Variants in SLC13A3 observed in about 807,000 individuals in gnomAD.
SLC13A3 encodes Na(+)/dicarboxylate cotransporter 3.
In SLC13A3, 40 loss-of-function variants were observed where a neutral mutation model predicts 59.0. That is an observed-to-expected ratio of 0.68 (90% CI 0.53 to 0.88). The LOEUF (loss-of-function observed/expected upper bound fraction) is 0.88. Among genes scored for constraint, SLC13A3 ranks in the 40% least tolerant of loss-of-function variants. SLC13A3 has a pLI of 0.00. For missense variants in SLC13A3, 699 were observed against 783.2 expected, an observed-to-expected ratio of 0.89 and a Z score of 1.28; for synonymous variants, 317 against 330.3, an observed-to-expected ratio of 0.96 and a Z score of 0.44.
upstream of SLC13A3, among the ~76,000 whole-genome samples, chr20:46,653,567 C>G (rs1420906931): frequency 6.6e-6 from 1 of 152,176 alleles, no homozygotes; most frequent in Non-Finnish European, 1.5e-5. Flanking sequence ...ACAAGCTTGT[C>G]AGAAGTTTTA....
At chr20:46,637,097 C>T (rs1028470666) in intron 1 of SLC13A3, among the ~76,000 whole-genome samples, 2 of 152,178 alleles carry the variant, frequency 1.3e-5, no homozygotes, top group Non-Finnish European at 2.9e-5. Context: ...CCGCGCCCGG[C>T]CTGACATTTT....
At chr20:46,613,147 C>G (rs564343937) in intron 2 of SLC13A3, among the ~76,000 whole-genome samples, 1 of 151,728 alleles carries the variant, frequency 6.6e-6, no homozygotes, top group African/African-American at 2.4e-5. Context: ...AGTGTGGCCC[C>G]CTCCAAAACT....
Position 46,575,686 on chromosome 20 carries a change from C to A in SLC13A3, c.1220-1G>T. 1 of 1,575,972 alleles carries A rather than the reference C, an allele frequency of 6.3e-7. No homozygotes were observed. The highest frequency in any genetic ancestry group is 2.3e-5 in the East Asian group (1 of 43,400). On this transcript the variant is annotated splice_acceptor_variant, in intron 9 of 12. Transcript: ENST00000279027. LOFTEE classifies it high-confidence loss of function. The stretch of plus-strand genomic sequence containing the variant: ...AAGGGCTCTGTCTCTGTGTTGGGAG[C>A]TGGGCAGAGAGAGGGATTCAGCACA...
At chr20:46,621,259 T>C (rs978175407) in intron 1 of SLC13A3, among the ~76,000 whole-genome samples, 1 of 146,026 alleles carries the variant, frequency 6.8e-6, no homozygotes, top group African/African-American at 2.6e-5. Context: ...AAGGACAGTT[T>C]TGTGAGAGTT....
At chr20:46,628,518 G>C (rs546333128) in intron 1 of SLC13A3, among the ~76,000 whole-genome samples, 1 of 152,252 alleles carries the variant, frequency 6.6e-6, no homozygotes, top group South Asian at 2.1e-4. Context: ...AGGGAAGGAG[G>C]CTAGTCCTAA....
intron 1 of SLC13A3, among the ~76,000 whole-genome samples, chr20:46,633,985 C>T (rs573347538): frequency 2.2e-4 from 33 of 152,346 alleles, no homozygotes; most frequent in Admixed American, 1.9e-3. Flanking sequence ...AGCCACGATC[C>T]TACCATGGTG....
chr20:46,621,777 A>G (rs972928820), intron 1 of SLC13A3, among the ~76,000 whole-genome samples: 7 of 152,228 alleles, frequency 4.6e-5, no homozygotes, highest in African/African-American at 1.7e-4. Flanking sequence ...AAATGGTTCT[A>G]AAATCAAATA....
At chr20:46,583,275 T>TTC in intron 9 of SLC13A3, 1 of 725,252 alleles carries the variant, frequency 1.4e-6, no homozygotes, top group East Asian at 6.3e-5. Flanking sequence ...TAAAATGTTT[T>TTC]TCTTTTGGTT....
upstream of SLC13A3, among the ~76,000 whole-genome samples, chr20:46,672,749 C>T (rs1293489729): frequency 6.6e-6 from 1 of 152,130 alleles, no homozygotes; most frequent in Non-Finnish European, 1.5e-5. Context: ...GAGACCTGGA[C>T]TACTGCCCTG....
chr20:46,597,482 G>A (rs2062325381), intron 4 of SLC13A3, among the ~76,000 whole-genome samples: 1 of 152,048 alleles, frequency 6.6e-6, no homozygotes, highest in Non-Finnish European at 1.5e-5. Context: ...TGTCACCCAG[G>A]CTAGAGTGCA....
intron 4 of SLC13A3, among the ~76,000 whole-genome samples, chr20:46,598,277 G>A (rs1367459416): frequency 6.6e-6 from 1 of 152,180 alleles, no homozygotes; most frequent in African/African-American, 2.4e-5. Flanking sequence ...CCAGAAGCAG[G>A]TGGAAACTAC....
chr20:46,585,475 T>A, intron 8 of SLC13A3: 3 of 994,268 alleles, frequency 3.0e-6, no homozygotes, highest in Non-Finnish European at 2.4e-6. Flanking sequence ...TAAAAAAATC[T>A]TCTTTTAATA....
At chr20:46,643,340 G>T (rs1311911955) in intron 1 of SLC13A3, among the ~76,000 whole-genome samples, 2 of 152,214 alleles carry the variant, frequency 1.3e-5, no homozygotes, top group African/African-American at 4.8e-5. Context: ...TTTAGATAGG[G>T]TCTAAAGATA....
chr20:46,654,241 A>G (rs1028269614), upstream of SLC13A3, among the ~76,000 whole-genome samples: 1 of 152,082 alleles, frequency 6.6e-6, no homozygotes, highest in African/African-American at 2.4e-5. Flanking sequence ...CCATCTGCGT[A>G]TCTTGTTTGG....
Position 46,600,668 on chromosome 20 carries a change from C to T in SLC13A3, c.542-631G>A, listed in dbSNP as rs146859466. On this transcript the variant is annotated intron_variant, in intron 3 of 12. Coordinates refer to ENST00000279027, the MANE Select transcript of SLC13A3 (RefSeq NM_022829.6). ...CAATGGGTTGGACGACCCCAATTGT[C>T]CATTCATTCATTCATCCAAAAAGTA... 7.7e-4 allele frequency: 323 copies of T among 418,042 alleles called. 2 individuals are homozygous for T. Among genetic ancestry groups the T allele is most frequent in the African/African-American group, 6.0e-3 (295 of 48,942 alleles). 25.9% of individuals were successfully genotyped at this position (418,042 alleles called of 1,614,324 possible).
intron 7 of SLC13A3, 134 bp downstream of exon 7, chr20:46,589,026 C>T: frequency 1.3e-6 from 1 of 749,476 alleles, no homozygotes; most frequent in Non-Finnish European, 2.2e-6. Flanking sequence ...CATCCTCCAT[C>T]TCTAGGCTCC....
At chr20:46,604,079 GA>G (rs1425398034) in intron 3 of SLC13A3, among the ~76,000 whole-genome samples, 3 of 151,974 alleles carry the variant, frequency 2.0e-5, no homozygotes, top group Non-Finnish European at 4.4e-5. Flanking sequence ...AGAGAAAGAA[GA>G]AAACAGAGCA....
chr20:46,614,745 G>A (rs1387105382), intron 1 of SLC13A3, among the ~76,000 whole-genome samples: 1 of 152,198 alleles, frequency 6.6e-6, no homozygotes, highest in Non-Finnish European at 1.5e-5. Context: ...GCAAGGTAAT[G>A]GCTGTGCAGA....
In SLC13A3 at chr20:46,560,112, C is replaced by T; in HGVS notation, c.1719G>A (p.Leu573=). The T allele has an allele frequency of 6.2e-7, 1 of 1,614,142 alleles. No homozygotes were observed. Among genetic ancestry groups the T allele is most frequent in the East Asian group, 2.2e-5 (1 of 44,892 alleles). ...MNTWAQTIFQ[L]GTFPDWADMY... ...TATCAGCCCAGTCCGGGAAGGTGCC[C>T]AGCTGGAAGATGGTCTGTGCCCAGG... Residue 573 remains leucine (L), a synonymous_variant, in exon 13 of 13, where the codon CTG becomes CTA. Transcript: ENST00000279027.
Sources: gnomAD v4.1 joint callset for allele counts (sites outside exome capture counted in the v4.1 genomes callset) on GRCh38, gnomAD v4.1.1 for gene constraint, MANE v1.5 for transcripts, NCBI Gene and HGNC (gene_info 2026-07-23, HGNC 2026-07-21) for gene names.